RBFOX1: variants seen among roughly 807,000 people sequenced by gnomAD.
RBFOX1 encodes RNA binding protein fox-1 homolog 1.
Under a neutral mutation model 57.7 loss-of-function variants are expected in RBFOX1, and 8 were observed. The observed-to-expected ratio is 0.14, with a 90% CI of 0.08 to 0.25. The LOEUF (loss-of-function observed/expected upper bound fraction) is 0.25, where lower values mean the gene tolerates loss of function less well. Ranked by LOEUF, RBFOX1 falls within the 10% of genes least tolerant of loss-of-function variation. RBFOX1 has a pLI of 1.00. For synonymous variants in RBFOX1, 326 were observed against 222.4 expected (o/e 1.47, Z -4.15); for missense variants, 611 against 548.5 (o/e 1.11, Z -1.14).
At chr16:6,900,878 C>T (rs767043011) in intron 3 of RBFOX1, among the ~76,000 whole-genome samples, 3 of 152,298 alleles carry the variant, frequency 2.0e-5, no homozygotes, top group East Asian at 1.9e-4. Context: ...CAGGGAGCTA[C>T]ATATGTCTTG....
intron 4 of RBFOX1, among the ~76,000 whole-genome samples, chr16:7,409,453 G>T (rs2098400234): frequency 6.6e-6 from 1 of 152,316 alleles, no homozygotes; most frequent in African/African-American, 2.4e-5. Context: ...CGTCCCCATT[G>T]TCACAGAATG....
intron 3 of RBFOX1, among the ~76,000 whole-genome samples, chr16:5,633,350 T>TAA (rs570187080): frequency 6.6e-6 from 1 of 152,126 alleles, no homozygotes. Context: ...GCTCTTTTTG[T>TAA]AAAAAAACTT....
Position 6,123,423 on chromosome 16 carries a change from G to A in RBFOX1, c.-127+103431G>A, listed in dbSNP as rs200254742. Among the ~76,000 whole-genome samples the A allele has an allele frequency of 3.3e-5, 5 of 152,248 alleles. No homozygotes were observed. The East Asian group carries it at 7.7e-4, about 24-fold the overall frequency. ...AGATATAAAGGGACAAATACTATAT[G>A]GTTCTACTTCTAGGGATACTAAAGT... On this transcript the variant is annotated intron_variant, in intron 1 of 15. Coordinates refer to ENST00000550418, the MANE Select transcript of RBFOX1 (RefSeq NM_018723.4).
intron 2 of RBFOX1, among the ~76,000 whole-genome samples, chr16:5,476,069 T>C (rs572871519): frequency 2.3e-4 from 35 of 152,228 alleles, no homozygotes; most frequent in African/African-American, 8.0e-4. Context: ...CCAGCCACAG[T>C]GCCCCCTCCT....
Position 6,651,712 on chromosome 16 carries a change from G to A in RBFOX1, c.-63-2891G>A, listed in dbSNP as rs575052935. Among the ~76,000 whole-genome samples the A allele has an allele frequency of 9.2e-5, 14 of 152,240 alleles. No homozygotes were observed. The South Asian group carries it at 1.5e-3, about 16-fold the overall frequency. ...TTGGCAATCTCACTTCTGGGCATAC[G>A]CACAAAAGACTTGAAAGCAGGGAGT... On this transcript the variant is annotated intron_variant, in intron 2 of 15. Coordinates refer to ENST00000550418, the MANE Select transcript of RBFOX1 (RefSeq NM_018723.4).
chr16:6,858,848 G>T (rs1391933156), intron 3 of RBFOX1, among the ~76,000 whole-genome samples: 1 of 151,844 alleles, frequency 6.6e-6, no homozygotes, highest in Non-Finnish European at 1.5e-5. Context: ...AATTCAACAT[G>T]CAAAACTCAG....
intron 3 of RBFOX1, among the ~76,000 whole-genome samples, chr16:6,904,886 T>C (rs1333837404): frequency 6.6e-6 from 1 of 152,116 alleles, no homozygotes; most frequent in Non-Finnish European, 1.5e-5. Context: ...ATTACACTTT[T>C]CTACAAATTC....
At chr16:7,340,927 G>T (rs1260278284) in intron 4 of RBFOX1, among the ~76,000 whole-genome samples, 6 of 152,174 alleles carry the variant, frequency 3.9e-5, no homozygotes, top group African/African-American at 1.4e-4. Flanking sequence ...CAGCAACTAT[G>T]CTTTTTATAA....
chr16:7,402,742 G>A (rs2098266236), intron 4 of RBFOX1, among the ~76,000 whole-genome samples: 1 of 152,178 alleles, frequency 6.6e-6, no homozygotes, highest in Non-Finnish European at 1.5e-5. Context: ...ACTTTGAGAA[G>A]AAGGGTGCCC....
chr16:6,961,497 G>A (rs1212425179), intron 3 of RBFOX1, among the ~76,000 whole-genome samples: 1 of 152,210 alleles, frequency 6.6e-6, no homozygotes, highest in African/African-American at 2.4e-5. Flanking sequence ...GGAAATTGCA[G>A]AAGAAAGAAT....
At chr16:6,834,285 A>C (rs1002492020) in intron 3 of RBFOX1, among the ~76,000 whole-genome samples, 7 of 152,026 alleles carry the variant, frequency 4.6e-5, no homozygotes, top group African/African-American at 1.7e-4. Context: ...CACGTTGGCC[A>C]GGCTGGTCTC....
rs1365735582 is a variant in RBFOX1 at position 7,059,545 on chromosome 16, G to C, written c.27+7447G>C. On this transcript the variant is annotated intron_variant, in intron 4 of 15. Coordinates refer to ENST00000550418, the MANE Select transcript of RBFOX1 (RefSeq NM_018723.4). ...TGTCAAATAATCATTGACAACCATT[G>C]GCAAAAAATGTTCAATGTGAAACTG... 3.9e-5 allele frequency among the ~76,000 whole-genome samples: 6 copies of C among 152,234 alleles called. No individual in the cohort carries two copies. The East Asian group carries it at 1.2e-3, about 29-fold the overall frequency.
chr16:6,178,328 A>G (rs2097031243), intron 1 of RBFOX1, among the ~76,000 whole-genome samples: 1 of 151,666 alleles, frequency 6.6e-6, no homozygotes, highest in African/African-American at 2.4e-5. Flanking sequence ...CTGGGATTAC[A>G]GGCACGCGCC....
At chr16:6,114,573 G>T (rs1301649952) in intron 1 of RBFOX1, among the ~76,000 whole-genome samples, 2 of 152,074 alleles carry the variant, frequency 1.3e-5, no homozygotes, top group African/African-American at 4.8e-5. Flanking sequence ...TTCTTGGAGG[G>T]GGCGTAACTT....
chr16:6,014,851 A>G (rs1254936637), upstream of RBFOX1, among the ~76,000 whole-genome samples: 1 of 144,886 alleles, frequency 6.9e-6, no homozygotes, highest in South Asian at 2.3e-4. Flanking sequence ...ATGCTTGGCT[A>G]CTTGATTTTT....
intron 2 of RBFOX1, among the ~76,000 whole-genome samples, chr16:5,567,034 G>T (rs956174612): frequency 6.6e-6 from 1 of 152,100 alleles, no homozygotes; most frequent in African/African-American, 2.4e-5. Flanking sequence ...AAAGACATTT[G>T]GTTTTTCTGC....
chr16:7,685,489 C>T (rs765835729), intron 14 of RBFOX1, among the ~76,000 whole-genome samples: 1 of 152,094 alleles, frequency 6.6e-6, no homozygotes, highest in East Asian at 1.9e-4. Flanking sequence ...AAAGTTCCAT[C>T]TGATTTCACT....
rs1229956160 is a variant in RBFOX1 at position 5,718,689 on chromosome 16, C to G, written c.318+119728C>G. Among the ~76,000 whole-genome samples, 3 of 152,234 alleles carry G rather than the reference C, an allele frequency of 2.0e-5. No homozygotes were observed. The East Asian group carries it at 5.8e-4, about 29-fold the overall frequency. On this transcript the variant is annotated intron_variant, in intron 3 of 19. Transcript: ENST00000641259. ...TGGGAGGCCAAGGCAGGTGGATCAC[C>G]TGAAGTCAGGAGTTTGAGACCAGCC...
At chr16:6,105,760 T>G (rs1360900781) in intron 1 of RBFOX1, among the ~76,000 whole-genome samples, 1 of 152,044 alleles carries the variant, frequency 6.6e-6, no homozygotes, top group Non-Finnish European at 1.5e-5. Context: ...TTCTGATGGA[T>G]TTACCTTTTA....
Sources: allele counts gnomAD v4.1 joint callset (sites outside exome capture counted in the v4.1 genomes callset), GRCh38; gene constraint gnomAD v4.1.1; transcripts MANE v1.5; gene names NCBI Gene and HGNC (gene_info 2026-07-23, HGNC 2026-07-21).